The following PAAF1 variants were observed in gnomAD, a reference collection of about 807,000 sequenced individuals.
PAAF1 encodes the protein proteasomal ATPase-associated factor 1.
Under a neutral mutation model 52.8 loss-of-function variants are expected in PAAF1, and 46 were observed. That is an observed-to-expected ratio of 0.87 (90% CI 0.69 to 1.11). The LOEUF (loss-of-function observed/expected upper bound fraction) is 1.11. Ranked by LOEUF, PAAF1 falls within the 50% of genes most tolerant of loss-of-function variation. The pLI, the probability that PAAF1 is intolerant of heterozygous loss-of-function variation, is 0.00. For missense variants in PAAF1, 424 were observed against 477.4 expected, an observed-to-expected ratio of 0.89 and a Z score of 1.04; for synonymous variants, 178 against 172.8, an observed-to-expected ratio of 1.03 and a Z score of -0.24.
chr11:73,918,695 T>C (rs967201145), intron 9 of PAAF1, among the ~76,000 whole-genome samples: 1 of 152,110 alleles, frequency 6.6e-6, no homozygotes, highest in Non-Finnish European at 1.5e-5. Context: ...ATTGTTATCT[T>C]CAACCCATGT....
At chr11:73,896,984 C>A in intron 4 of PAAF1, among the ~76,000 whole-genome samples, 1 of 143,996 alleles carries the variant, frequency 6.9e-6, no homozygotes. Flanking sequence ...GGGGGCTGAC[C>A]CCCCCACCTC....
intron 1 of PAAF1, among the ~76,000 whole-genome samples, chr11:73,878,249 C>T (rs1363803196): frequency 1.3e-5 from 2 of 152,190 alleles, no homozygotes; most frequent in Non-Finnish European, 2.9e-5. Context: ...AATCAGAAGG[C>T]TTAATTTGCC....
chr11:73,888,145 T>C (rs1300109448), intron 3 of PAAF1, among the ~76,000 whole-genome samples: 1 of 152,242 alleles, frequency 6.6e-6, no homozygotes, highest in Non-Finnish European at 1.5e-5. Flanking sequence ...ATATTTTACA[T>C]TTCTTTTTCT....
chr11:73,921,537 G>A (rs1284518867), intron 10 of PAAF1: 2 of 530,800 alleles, frequency 3.8e-6, no homozygotes, highest in Admixed American at 4.6e-5. Flanking sequence ...AGTTTTTCAA[G>A]TAAAGACATG....
rs201770537 is a variant in PAAF1, at chr11:73,927,358, T to G, written c.1175T>G (p.Leu392Arg). Residue 392 changes from leucine to arginine, a missense_variant, in exon 12 of 12, where the codon CTC (leucine) becomes CGC (arginine). Physicochemically the swap from Leu to Arg is moderately radical, Grantham distance 102. Coordinates refer to ENST00000310571, the MANE Select transcript of PAAF1 (RefSeq NM_025155.3). Reference sequence around the variant, plus strand: ...GTACGACGCTACCAGCTTTCTGACCTCTGACTTCTTGGAAAGAGCAGTCCC... The same window carrying G: ...GTACGACGCTACCAGCTTTCTGACCGCTGACTTCTTGGAAAGAGCAGTCCC... ...GLVRRYQLSD[L>R] 2 of 1,613,424 alleles carry G rather than the reference T, an allele frequency of 1.2e-6. No homozygotes were observed. The highest frequency in any genetic ancestry group is 8.5e-7 in the Non-Finnish European group (1 of 1,179,576).
intron 11 of PAAF1, among the ~76,000 whole-genome samples, chr11:73,926,191 C>A (rs1446582436): frequency 6.6e-6 from 1 of 152,022 alleles, no homozygotes; most frequent in Non-Finnish European, 1.5e-5. Flanking sequence ...ACAGCAACCT[C>A]CGCCTCCCAG....
intron 6 of PAAF1, among the ~76,000 whole-genome samples, chr11:73,900,981 CAAAAAAAAAAAAAAAAAA>C (rs5792636): frequency 5.0e-4 from 30 of 59,538 alleles, no homozygotes; most frequent in Non-Finnish European, 2.2e-4. Flanking sequence ...GACTCCGTCT[CAAAAAAAAAAAAAAAAAA>C]AAAAAAAAAA....
chr11:73,921,235 G>A (rs1950208225), intron 10 of PAAF1, among the ~76,000 whole-genome samples: 1 of 151,960 alleles, frequency 6.6e-6, no homozygotes, highest in Admixed American at 6.6e-5. Flanking sequence ...GGGAGGTGGA[G>A]GTTGCAGTGA....
At chr11:73,881,299 A>G (rs1948900088) in intron 2 of PAAF1, among the ~76,000 whole-genome samples, 1 of 152,132 alleles carries the variant, frequency 6.6e-6, no homozygotes, top group Non-Finnish European at 1.5e-5. Context: ...TTAAAGCAGT[A>G]TTTTTTAAAC....
intron 4 of PAAF1, among the ~76,000 whole-genome samples, chr11:73,896,279 CTTT>C (rs1176745088): frequency 8.6e-6 from 1 of 116,568 alleles, no homozygotes; most frequent in Admixed American, 8.5e-5. Context: ...TACGATGTTT[CTTT>C]TTTTCTTTTT....
chr11:73,896,386 G>A (rs142297899), intron 4 of PAAF1, among the ~76,000 whole-genome samples: 3,476 of 150,682 alleles, frequency 0.023, 80 homozygotes, highest in Non-Finnish European at 0.031. Context: ...GTGGAGAGAA[G>A]GTCAGCAGAT....
intron 4 of PAAF1, among the ~76,000 whole-genome samples, chr11:73,896,989 C>G (rs1403062960): frequency 1.5e-5 from 2 of 136,088 alleles, no homozygotes; most frequent in African/African-American, 5.7e-5. Flanking sequence ...CTGACCCCCC[C>G]ACCTCCCTCC....
intron 6 of PAAF1, among the ~76,000 whole-genome samples, chr11:73,902,249 TA>T (rs1338801470): frequency 6.6e-6 from 1 of 152,188 alleles, no homozygotes; most frequent in Non-Finnish European, 1.5e-5. Context: ...CCTAAGTACA[TA>T]AATGGTTTAC....
At chr11:73,884,029 A>G (rs1433494270) in intron 2 of PAAF1, among the ~76,000 whole-genome samples, 2 of 152,128 alleles carry the variant, frequency 1.3e-5, no homozygotes, top group Admixed American at 1.3e-4. Context: ...GGATTACAAA[A>G]CTGCTGAGTT....
intron 4 of PAAF1, among the ~76,000 whole-genome samples, chr11:73,895,971 A>G (rs1448154923): frequency 6.6e-6 from 1 of 152,210 alleles, no homozygotes; most frequent in Admixed American, 6.5e-5. Flanking sequence ...TTAGCTGGAC[A>G]TGCCAGCCCA....
In PAAF1 at chr11:73,880,514, T is replaced by G. The variant is rs1200269867; in HGVS notation, c.88+1695T>G. 7.2e-5 allele frequency: 10 copies of G among 139,500 alleles called. No individual in the cohort carries two copies. In the Admixed American group the frequency reaches 7.2e-4, roughly 10 times the overall value. The allele number at this position is 139,500 out of a possible 1,614,324, so 8.6% of individuals were successfully genotyped here. ...AAAAAAAAAAGCCAGGTGCGGTGGC[T>G]CTACTAAAAAAAAATACAAAAAATT... On this transcript the variant is annotated intron_variant, in intron 2 of 11. Transcript: ENST00000310571.
At chr11:73,896,601 G>C (rs1448888544) in intron 4 of PAAF1, among the ~76,000 whole-genome samples, 1 of 151,842 alleles carries the variant, frequency 6.6e-6, no homozygotes, top group South Asian at 2.1e-4. Flanking sequence ...GTTTCAGAGA[G>C]CACAGGGTTG....
At chr11:73,905,700 T>A (rs1175486971) in intron 6 of PAAF1, among the ~76,000 whole-genome samples, 1 of 152,206 alleles carries the variant, frequency 6.6e-6, no homozygotes, top group Non-Finnish European at 1.5e-5. Flanking sequence ...ACTCTGCTTT[T>A]ATAGAAAAGG....
intron 9 of PAAF1, among the ~76,000 whole-genome samples, chr11:73,916,882 G>A (rs1224033055): frequency 6.6e-6 from 1 of 152,036 alleles, no homozygotes; most frequent in Non-Finnish European, 1.5e-5. Context: ...ACTAATGATT[G>A]CTTTGAAAAT....
Sources: allele counts gnomAD v4.1 joint callset (sites outside exome capture counted in the v4.1 genomes callset), GRCh38; gene constraint gnomAD v4.1.1; transcripts MANE v1.5; gene names NCBI Gene and HGNC (gene_info 2026-07-23, HGNC 2026-07-21).